Variants in SLC20A2 observed in about 807,000 individuals in gnomAD.
SLC20A2 encodes sodium-dependent phosphate transporter 2.
A neutral mutation model predicts 61.0 loss-of-function variants in SLC20A2; 30 were observed. The ratio of observed to expected loss-of-function variants is 0.49; its 90% CI spans 0.37 to 0.67. The LOEUF (loss-of-function observed/expected upper bound fraction) is 0.67, where lower values mean the gene tolerates loss of function less well. Ranked by LOEUF, SLC20A2 falls within the 30% of genes least tolerant of loss-of-function variation. SLC20A2 has a pLI of 0.00. For missense variants in SLC20A2, 626 were observed against 866.4 expected, an observed-to-expected ratio of 0.72 and a Z score of 3.48; for synonymous variants, 351 against 353.3, an observed-to-expected ratio of 0.99 and a Z score of 0.07.
At chr8:42,441,105 A>G (rs1434769460) in intron 6 of SLC20A2, among the ~76,000 whole-genome samples, 1 of 137,492 alleles carries the variant, frequency 7.3e-6, no homozygotes, top group African/African-American at 2.8e-5. Flanking sequence ...GGCCCCATCT[A>G]TCTTCTTTGG....
chr8:42,479,237 G>A (rs1808383585), intron 1 of SLC20A2, among the ~76,000 whole-genome samples: 1 of 152,154 alleles, frequency 6.6e-6, no homozygotes, highest in Non-Finnish European at 1.5e-5. Context: ...AACATTTCAG[G>A]TGAAAATCAT....
chr8:42,464,413 C>T (rs958999324), intron 3 of SLC20A2, among the ~76,000 whole-genome samples: 5 of 151,580 alleles, frequency 3.3e-5, no homozygotes, highest in East Asian at 1.9e-4. Context: ...TGAGCCACTG[C>T]GCCTGACCTG....
chr8:42,521,179 T>C (rs1811610891), intron 1 of SLC20A2, among the ~76,000 whole-genome samples: 1 of 121,864 alleles, frequency 8.2e-6, no homozygotes, highest in Non-Finnish European at 2.0e-5. Context: ...CAACACTATT[T>C]GTAAAAACAA....
At chr8:42,439,420 C>T in intron 7 of SLC20A2, 30 bp downstream of exon 7, 2 of 1,610,426 alleles carry the variant, frequency 1.2e-6, no homozygotes, top group Admixed American at 1.7e-5. Flanking sequence ...TGTGCTGCCA[C>T]AGAACCCAAG....
At chr8:42,466,034 T>G in intron 2 of SLC20A2, 117 bp from the exon 3 acceptor site, 1 of 965,574 alleles carries the variant, frequency 1.0e-6, no homozygotes, top group Middle Eastern at 2.4e-4. Flanking sequence ...TTCTGTGAAT[T>G]GTTTCTTTAC....
At chr8:42,460,631 C>T (rs1383526047) in intron 4 of SLC20A2, among the ~76,000 whole-genome samples, 4 of 152,172 alleles carry the variant, frequency 2.6e-5, no homozygotes, top group Non-Finnish European at 5.9e-5. Flanking sequence ...ATTTGCCATT[C>T]GACATTTATT....
intron 1 of SLC20A2, among the ~76,000 whole-genome samples, chr8:42,523,245 G>A (rs1395746059): frequency 2.0e-5 from 3 of 152,092 alleles, no homozygotes; most frequent in African/African-American, 7.2e-5. Context: ...CAGGAGAATC[G>A]CTTGAACCTG....
intron 1 of SLC20A2, among the ~76,000 whole-genome samples, chr8:42,489,936 T>C (rs911041446): frequency 4.6e-5 from 7 of 152,196 alleles, no homozygotes; most frequent in African/African-American, 1.7e-4. Flanking sequence ...CAAAAATCTG[T>C]GCATGTGTAC....
At chr8:42,486,611 C>T (rs1021076025) in intron 1 of SLC20A2, among the ~76,000 whole-genome samples, 3 of 152,218 alleles carry the variant, frequency 2.0e-5, no homozygotes, top group Non-Finnish European at 4.4e-5. Flanking sequence ...AGGATTCTTT[C>T]GGCACTTTAA....
chr8:42,460,926 AGGTCTAAAAATC>A (rs1806643956), intron 4 of SLC20A2, among the ~76,000 whole-genome samples: 1 of 152,240 alleles, frequency 6.6e-6, no homozygotes. Flanking sequence ...AAGGAAAATT[AGGTCTAAAAATC>A]GATGACAGCA....
At chr8:42,458,608 GAAAAA>G (rs1245776628) in intron 5 of SLC20A2, among the ~76,000 whole-genome samples, 1 of 64,196 alleles carries the variant, frequency 1.6e-5, no homozygotes, top group Non-Finnish European at 3.5e-5. Flanking sequence ...GGGCAATAAA[GAAAAA>G]AAAAAAAAAA....
chr8:42,457,397 C>G (rs919369891), intron 5 of SLC20A2, among the ~76,000 whole-genome samples: 2 of 152,180 alleles, frequency 1.3e-5, no homozygotes, highest in Non-Finnish European at 2.9e-5. Flanking sequence ...TTCCTGCTTT[C>G]CTAGAACCTA....
intron 1 of SLC20A2, among the ~76,000 whole-genome samples, chr8:42,517,728 T>C (rs562100964): frequency 6.6e-6 from 1 of 152,288 alleles, no homozygotes; most frequent in African/African-American, 2.4e-5. Context: ...TTGATTATCC[T>C]ATTAATGCCC....
At chr8:42,520,095 C>A (rs1432960542) in intron 1 of SLC20A2, among the ~76,000 whole-genome samples, 3 of 145,796 alleles carry the variant, frequency 2.1e-5, no homozygotes, top group Non-Finnish European at 3.0e-5. Flanking sequence ...CTCACTACAA[C>A]CTCCATCTCC....
intron 2 of SLC20A2, among the ~76,000 whole-genome samples, chr8:42,469,329 C>CAAAAAAA (rs368452294): frequency 7.1e-6 from 1 of 141,302 alleles, no homozygotes; most frequent in Admixed American, 7.1e-5. Flanking sequence ...AACCACATAC[C>CAAAAAAA]AAAAAAAAAA....
chr8:42,444,870 T>C, intron 5 of SLC20A2, 108 bp from the exon 6 acceptor site: 2 of 722,946 alleles, frequency 2.8e-6, no homozygotes, highest in Non-Finnish European at 4.8e-6. Flanking sequence ...CACCTGGATT[T>C]TGTAGTGAAT....
At chr8:42,430,436 C>T (rs1258288890) in intron 8 of SLC20A2, among the ~76,000 whole-genome samples, 187 bp from the exon 9 acceptor site, 1 of 149,740 alleles carries the variant, frequency 6.7e-6, no homozygotes, top group Non-Finnish European at 1.5e-5. Context: ...GATCTCGGCT[C>T]ACTGCAACCT....
At chr8:42,507,255 G>A (rs1221863124) in intron 1 of SLC20A2, among the ~76,000 whole-genome samples, 1 of 152,250 alleles carries the variant, frequency 6.6e-6, no homozygotes, top group East Asian at 1.9e-4. Flanking sequence ...TGCATGCTCA[G>A]GAGGGCTACA....
At chr8:42,475,302 G>A (rs1807984493) in intron 1 of SLC20A2, among the ~76,000 whole-genome samples, 1 of 151,862 alleles carries the variant, frequency 6.6e-6, no homozygotes, top group Admixed American at 6.6e-5. Flanking sequence ...GTCGCCCTAT[G>A]CTGCCCAGGC....
Sources: gnomAD v4.1 joint callset for allele counts (sites outside exome capture counted in the v4.1 genomes callset) on GRCh38, gnomAD v4.1.1 for gene constraint, MANE v1.5 for transcripts, NCBI Gene and HGNC (gene_info 2026-07-23, HGNC 2026-07-21) for gene names.